The following CRIM1 variants were observed in gnomAD, a reference collection of about 807,000 sequenced individuals.
CRIM1 encodes cysteine-rich motor neuron 1 protein.
Under a neutral mutation model 116.4 loss-of-function variants are expected in CRIM1, and 32 were observed. That is an observed-to-expected ratio of 0.27 (90% confidence interval 0.21 to 0.37). The LOEUF (loss-of-function observed/expected upper bound fraction) is 0.37. Ranked by LOEUF, CRIM1 falls within the 10% of genes least tolerant of loss-of-function variation. The pLI is 1.00. For synonymous variants in CRIM1, 590 were observed against 509.2 expected, an observed-to-expected ratio of 1.16 and a Z score of -2.13; for missense variants, 1,331 against 1,354.8, an observed-to-expected ratio of 0.98 and a Z score of 0.28.
At chr2:36,507,641 CCTT>C (rs773619938) in intron 8 of CRIM1, among the ~76,000 whole-genome samples, 3 of 152,222 alleles carry the variant, frequency 2.0e-5, no homozygotes, top group Non-Finnish European at 2.9e-5. Context: ...TAGCCAGTCT[CCTT>C]CTAATGAATG....
rs1667618102 is a variant in CRIM1, at chr2:36,549,785, ATG to A, written c.*1086_*1087del. ...AACTTTAGCAATTATAGGAGTATTT[ATG>A]TAACTATCTTATGCTTCAAAAAACA... On this transcript the variant is annotated 3_prime_UTR_variant, in exon 17 of 17. Transcript: ENST00000280527. The A allele has an allele frequency of 6.6e-6, 1 of 152,126 alleles. No homozygotes were observed. Among genetic ancestry groups the A allele is most frequent in the South Asian group, 2.1e-4 (1 of 4,830 alleles). The allele number at this position is 152,126 out of a possible 1,614,324, so 9.4% of individuals were successfully genotyped here.
intron 6 of CRIM1, among the ~76,000 whole-genome samples, chr2:36,477,681 C>G (rs186842466): frequency 1.3e-5 from 2 of 152,330 alleles, no homozygotes; most frequent in Admixed American, 1.3e-4. Flanking sequence ...TGTCTGGATT[C>G]CCCTTTTCTC....
intron 7 of CRIM1, among the ~76,000 whole-genome samples, chr2:36,484,526 C>T (rs1011002234): frequency 6.6e-6 from 1 of 152,086 alleles, no homozygotes; most frequent in East Asian, 1.9e-4. Flanking sequence ...AAGAAAAATT[C>T]AAGAGATGTG....
chr2:36,379,126 G>C (rs545429159), intron 1 of CRIM1: 2 of 152,084 alleles, frequency 1.3e-5, no homozygotes, highest in South Asian at 4.2e-4. Flanking sequence ...TTAATAACTT[G>C]TCTTTCCTTT....
chr2:36,444,357 T>C (rs779327408), intron 4 of CRIM1, among the ~76,000 whole-genome samples: 6 of 152,202 alleles, frequency 3.9e-5, no homozygotes, highest in Non-Finnish European at 7.3e-5. Flanking sequence ...AATTGGCTGC[T>C]TCCTGAGGCA....
intron 4 of CRIM1, among the ~76,000 whole-genome samples, chr2:36,460,049 C>T (rs921474686): frequency 6.6e-6 from 1 of 151,940 alleles, no homozygotes; most frequent in African/African-American, 2.4e-5. Context: ...TTCTGAGTTC[C>T]ATTGTACTCA....
chr2:36,427,776 A>T (rs1345747474), intron 2 of CRIM1, among the ~76,000 whole-genome samples: 4 of 152,208 alleles, frequency 2.6e-5, no homozygotes, highest in Non-Finnish European at 5.9e-5. Context: ...CTCCAGCCCC[A>T]AGACCCTTGG....
rs776996714 is a variant in CRIM1 at position 36,403,786 on chromosome 2, A to T, written c.505+6999A>T. 2.0e-4 allele frequency among the ~76,000 whole-genome samples: 30 copies of T among 152,022 alleles called. 1 individual carries two copies. The highest frequency in any genetic ancestry group is 3.2e-3 in the Middle Eastern group (1 of 316). ...TTATTAGAATGTGAAATACAAGGAG[A>T]GCAGCTTTGTGGGAGGTTGGATGAG... On this transcript the variant is annotated intron_variant, in intron 2 of 16. Transcript: ENST00000280527.
At chr2:36,531,688 G>A (rs536255660) in intron 13 of CRIM1, 22 of 288,226 alleles carry the variant, frequency 7.6e-5, no homozygotes, top group African/African-American at 2.7e-4. Flanking sequence ...GAAGTTAACC[G>A]GAAAGGAATT....
chr2:36,546,722 A>C (rs1304715092), intron 15 of CRIM1, among the ~76,000 whole-genome samples: 3 of 148,818 alleles, frequency 2.0e-5, no homozygotes, highest in Non-Finnish European at 4.4e-5. Context: ...GATTAGCTAG[A>C]GCCGGCATCA....
At chr2:36,411,906 A>G (rs985561630) in intron 2 of CRIM1, among the ~76,000 whole-genome samples, 1 of 152,174 alleles carries the variant, frequency 6.6e-6, no homozygotes, top group African/African-American at 2.4e-5. Flanking sequence ...TGAAATAAAT[A>G]TTATTCAAAC....
chr2:36,477,821 A>G (rs1267812740), intron 6 of CRIM1, among the ~76,000 whole-genome samples: 2 of 152,250 alleles, frequency 1.3e-5, no homozygotes, highest in Non-Finnish European at 2.9e-5. Flanking sequence ...TTTACAGATT[A>G]GGATGTTGAA....
At chr2:36,481,025 A>C (rs1041966863) in intron 7 of CRIM1, among the ~76,000 whole-genome samples, 22 of 152,248 alleles carry the variant, frequency 1.4e-4, no homozygotes, top group African/African-American at 5.3e-4. Context: ...TGCCAACTTG[A>C]AATATTTAAT....
At chr2:36,546,615 G>A (rs762835430) in intron 15 of CRIM1, among the ~76,000 whole-genome samples, 5 of 151,892 alleles carry the variant, frequency 3.3e-5, no homozygotes, top group Non-Finnish European at 7.4e-5. Flanking sequence ...TTTCTCCTTC[G>A]AAATCTGAGA....
intron 8 of CRIM1, among the ~76,000 whole-genome samples, chr2:36,509,309 G>A (rs756344634): frequency 7.2e-5 from 11 of 152,118 alleles, no homozygotes; most frequent in Non-Finnish European, 1.5e-4. Context: ...TTGAGGTCAG[G>A]AGTTCAAGAA....
intron 12 of CRIM1, among the ~76,000 whole-genome samples, chr2:36,519,160 C>T (rs1469162492): frequency 4.6e-5 from 7 of 152,160 alleles, no homozygotes; most frequent in South Asian, 2.1e-4. Flanking sequence ...GAGGAAATGC[C>T]TCCAGGACCA....
intron 4 of CRIM1, 63 bp from the exon 5 acceptor site, chr2:36,464,471 G>T: frequency 6.3e-7 from 1 of 1,593,384 alleles, no homozygotes; most frequent in Middle Eastern, 1.7e-4. Context: ...TTTGTTTGTG[G>T]TCTCCCGACT....
chr2:36,408,701 G>A (rs1409561696), intron 2 of CRIM1, among the ~76,000 whole-genome samples: 3 of 151,940 alleles, frequency 2.0e-5, no homozygotes, highest in Non-Finnish European at 2.9e-5. Context: ...TTAAAACCTC[G>A]TTAGTTAGTG....
At chr2:36,411,289 A>G (rs1467844126) in intron 2 of CRIM1, among the ~76,000 whole-genome samples, 1 of 152,190 alleles carries the variant, frequency 6.6e-6, no homozygotes, top group Non-Finnish European at 1.5e-5. Flanking sequence ...TGTTGTGTAT[A>G]TATTCTTTCA....
Sources: gnomAD v4.1 joint callset for allele counts (sites outside exome capture counted in the v4.1 genomes callset) on GRCh38, gnomAD v4.1.1 for gene constraint, MANE v1.5 for transcripts, NCBI Gene and HGNC (gene_info 2026-07-23, HGNC 2026-07-21) for gene names.